TM4SF20: variants seen among roughly 807,000 people sequenced by gnomAD.
The protein encoded by TM4SF20 is transmembrane 4 L six family member 20, also known as transmembrane 4 L6 family member 20.
TM4SF20 carries 13 observed loss-of-function variants against 15.1 expected under a neutral mutation model. That is an observed-to-expected ratio of 0.86 (90% confidence interval 0.56 to 1.36). The LOEUF is 1.36. Among genes scored for constraint, TM4SF20 ranks in the 40% most tolerant of loss-of-function variants. The pLI, the probability that TM4SF20 is intolerant of heterozygous loss-of-function variation, is 0.00. For missense variants in TM4SF20, 282 were observed against 268.4 expected (o/e 1.05, Z -0.35); for synonymous variants, 92 against 96.6 (o/e 0.95, Z 0.28).
chr2:227,362,820 A>G lies in TM4SF20; in HGVS notation c.*904T>C, dbSNP rs951401717. 2.6e-5 allele frequency: 4 copies of G among 152,210 alleles called. No individual in the cohort carries two copies. Among genetic ancestry groups the G allele is most frequent in the African/African-American group, 7.2e-5 (3 of 41,450 alleles). 9.4% of individuals were successfully genotyped at this position (152,210 alleles called of 1,614,324 possible). On this transcript the variant is annotated 3_prime_UTR_variant, in exon 4 of 4. Transcript: ENST00000304568. ...ATAAGGGGTACTCAGCCTTTATACT[A>G]TAAAACCATTATCAGACCTACCAAA...
intron 1 of TM4SF20, among the ~76,000 whole-genome samples, chr2:227,375,522 C>T (rs1286508572): frequency 1.3e-5 from 2 of 152,132 alleles, no homozygotes; most frequent in African/African-American, 4.8e-5. Context: ...TGGAGTCTTG[C>T]TCTGTCACCT....
intron 1 of TM4SF20, among the ~76,000 whole-genome samples, chr2:227,377,877 T>C (rs1274058419): frequency 6.6e-6 from 1 of 151,828 alleles, no homozygotes; most frequent in Non-Finnish European, 1.5e-5. Context: ...AAATAATGGG[T>C]AGTAGGCTTA....
chr2:227,370,284 T>G (rs1481048862), intron 2 of TM4SF20, among the ~76,000 whole-genome samples: 1 of 152,022 alleles, frequency 6.6e-6, no homozygotes, highest in Non-Finnish European at 1.5e-5. Context: ...CACACCCGAG[T>G]ATTATGAAAT....
chr2:227,366,716 C>CAAAAAA lies in TM4SF20; in HGVS notation c.250-478_250-473dup, dbSNP rs59401554. Among the ~76,000 whole-genome samples the CAAAAAA allele has an allele frequency of 4.4e-3, 299 of 68,190 alleles. 25 individuals carry two copies. Among genetic ancestry groups the CAAAAAA allele is most frequent in the Non-Finnish European group, 5.2e-3 (189 of 36,138 alleles). 44.7% of individuals were successfully genotyped at this position (68,190 alleles called of 152,430 possible). A position where few individuals can be genotyped will look rare whatever the true frequency, so the allele number is the denominator to read the frequency against. ...GCTGGGTGACAGAGCAAGACTCTGT[C>CAAAAAA]AAAAAAAAAAAAAAAAAAAAAAAAA... On this transcript the variant is annotated intron_variant, in intron 2 of 3. Transcript: ENST00000304568.
At chr2:227,366,008 A>G (rs2076390703) in intron 3 of TM4SF20, 85 bp downstream of exon 3, 2 of 1,354,334 alleles carry the variant, frequency 1.5e-6, no homozygotes, top group Non-Finnish European at 2.0e-6. Context: ...AAATAAAAAC[A>G]TGGCATTGTT....
intron 1 of TM4SF20, among the ~76,000 whole-genome samples, chr2:227,375,376 G>A (rs2076442695): frequency 6.6e-6 from 1 of 152,116 alleles, no homozygotes; most frequent in African/African-American, 2.4e-5. Flanking sequence ...TTGAGTGACA[G>A]AGCATGACCT....
At chr2:227,369,219 C>A (rs2076408441) in intron 2 of TM4SF20, among the ~76,000 whole-genome samples, 1 of 151,972 alleles carries the variant, frequency 6.6e-6, no homozygotes. Flanking sequence ...AGATAAATAT[C>A]AAATGTCAGA....
rs749131459 is a variant in TM4SF20 at position 227,363,777 on chromosome 2, C to T, written c.637G>A (p.Gly213Ser). 7.4e-6 allele frequency: 12 copies of T among 1,613,990 alleles called. No individual in the cohort carries two copies. Among genetic ancestry groups the T allele is most frequent in the South Asian group, 1.1e-5 (1 of 91,092 alleles). ...VLFGLSQIVI[G>S]FLGCLCGVSK... ...ACTCCACACAGACAGCCAAGGAAAC[C>T]GATGACTATCTGACTGAGCCCAAAC... Residue 213 changes from glycine to serine, a missense_variant, in exon 4 of 4, where the codon GGT (glycine) becomes AGT (serine). Physicochemically the swap from Gly to Ser is moderately conservative, Grantham distance 56. Coordinates refer to ENST00000304568, the MANE Select transcript of TM4SF20 (RefSeq NM_024795.4).
rs2076366480 is a variant in TM4SF20 at position 227,362,430 on chromosome 2, T to TA, written c.*1293dup. On this transcript the variant is annotated 3_prime_UTR_variant, in exon 4 of 4. Transcript: ENST00000304568. ...ACATATAAATATGCATTTCTTTTTTTAAAAATGAGGACATTTCTGTATACA... is the reference window on the plus strand; with the variant it reads ...ACATATAAATATGCATTTCTTTTTTTAAAAAATGAGGACATTTCTGTATACA... The TA allele has an allele frequency of 6.6e-6, 1 of 152,216 alleles. No individual in the cohort carries two copies. Among genetic ancestry groups the TA allele is most frequent in the Non-Finnish European group, 1.5e-5 (1 of 68,046 alleles). 9.4% of individuals were successfully genotyped at this position (152,216 alleles called of 1,614,324 possible).
intron 1 of TM4SF20, among the ~76,000 whole-genome samples, chr2:227,375,379 C>T (rs1428250235): frequency 6.6e-6 from 1 of 152,130 alleles, no homozygotes; most frequent in African/African-American, 2.4e-5. Flanking sequence ...AGTGACAGAG[C>T]ATGACCTTGT....
At chr2:227,381,445 A>G (rs1262102626), upstream of TM4SF20, 1 of 151,808 alleles carries the variant, frequency 6.6e-6, no homozygotes, top group African/African-American at 2.4e-5. Context: ...AAAAAAATAT[A>G]TTTTTTATTT....
chr2:227,368,335 T>TTATATATATATATATATATATA (rs61382561), intron 2 of TM4SF20, among the ~76,000 whole-genome samples: 3 of 122,722 alleles, frequency 2.4e-5, no homozygotes, highest in Non-Finnish European at 3.4e-5. Flanking sequence ...CATCTATTAT[T>TTATATATATATATATATATATA]TATATATATA....
In TM4SF20 at chr2:227,366,170, A is replaced by AGCCT. The variant is rs2076391827; in HGVS notation, c.320_323dup (p.Leu109GlyfsTer10). On this transcript the variant is annotated frameshift_variant, in exon 3 of 4. Coordinates refer to ENST00000304568, the MANE Select transcript of TM4SF20 (RefSeq NM_024795.4). LOFTEE classifies it high-confidence loss of function. ...TACACATGAGAGGACCTTTTAAGAG[A>AGCCT]GCCTGGATGGATATCAGCATGCAAT... 6.2e-7 allele frequency: 1 copy of AGCCT among 1,614,112 alleles called. No homozygotes were observed. Among genetic ancestry groups the AGCCT allele is most frequent in the Non-Finnish European group, 8.5e-7 (1 of 1,179,982 alleles).
At chr2:227,378,612 C>A (rs1362756622) in intron 1 of TM4SF20, among the ~76,000 whole-genome samples, 1 of 152,174 alleles carries the variant, frequency 6.6e-6, no homozygotes, top group Non-Finnish European at 1.5e-5. Context: ...CAGGTACAGG[C>A]AATGCAGCAT....
rs5839210 is a variant in TM4SF20 at position 227,363,415 on chromosome 2, C to CAAAAA, written c.*304_*308dup. 1,108 of 139,866 alleles carry CAAAAA rather than the reference C, an allele frequency of 7.9e-3. 11 individuals are homozygous for CAAAAA. The highest frequency in any genetic ancestry group is 0.032 in the Middle Eastern group (8 of 252). 8.7% of individuals were successfully genotyped at this position (139,866 alleles called of 1,614,324 possible). A position where few individuals can be genotyped will look rare whatever the true frequency, so the allele number is the denominator to read the frequency against. On this transcript the variant is annotated 3_prime_UTR_variant, in exon 4 of 4. Coordinates refer to ENST00000304568, the MANE Select transcript of TM4SF20 (RefSeq NM_024795.4). ...TCCAGCCTTTTTTGAGACCCTGTCT[C>CAAAAA]AAAAAAAAAAAAAAAAAGTCCTGTA...
At chr2:227,369,284 T>C (rs960568431) in intron 2 of TM4SF20, among the ~76,000 whole-genome samples, 3 of 152,228 alleles carry the variant, frequency 2.0e-5, no homozygotes, top group Non-Finnish European at 2.9e-5. Context: ...AATATCTGGT[T>C]TGTTTTTTTT....
intron 2 of TM4SF20, among the ~76,000 whole-genome samples, chr2:227,369,603 A>G (rs2076410790): frequency 6.6e-6 from 1 of 151,724 alleles, no homozygotes; most frequent in African/African-American, 2.4e-5. Context: ...TAATTTTTGT[A>G]TTTTTAGTAG....
At chr2:227,378,279 C>G (rs193264538) in intron 1 of TM4SF20, among the ~76,000 whole-genome samples, 51 of 152,276 alleles carry the variant, frequency 3.3e-4, no homozygotes, top group Non-Finnish European at 6.5e-4. Context: ...GGAGGCAGAA[C>G]CATAGCTGAG....
intron 1 of TM4SF20, among the ~76,000 whole-genome samples, chr2:227,372,473 G>A (rs550660173): frequency 1.8e-4 from 27 of 152,026 alleles, no homozygotes; most frequent in African/African-American, 6.5e-4. Flanking sequence ...AGGAAACCCC[G>A]TCTCTACTAA....
Sources: gnomAD v4.1 joint callset for allele counts (sites outside exome capture counted in the v4.1 genomes callset) on GRCh38, gnomAD v4.1.1 for gene constraint, MANE v1.5 for transcripts, NCBI Gene and HGNC (gene_info 2026-07-23, HGNC 2026-07-21) for gene names.